TTLL5: variants seen among roughly 807,000 people sequenced by gnomAD.
The protein encoded by TTLL5 is tubulin polyglutamylase TTLL5.
A neutral mutation model predicts 168.4 loss-of-function variants in TTLL5; 132 were observed. That is an observed-to-expected ratio of 0.78 (90% CI 0.68 to 0.91). The LOEUF is 0.91. Ranked by LOEUF, TTLL5 falls within the 40% of genes least tolerant of loss-of-function variation. The pLI is 0.00. For synonymous variants in TTLL5, 546 were observed against 558.6 expected, an observed-to-expected ratio of 0.98 and a Z score of 0.32; for missense variants, 1,545 against 1,581.5, an observed-to-expected ratio of 0.98 and a Z score of 0.39.
Position 75,771,660 on chromosome 14 carries a change from G to A in TTLL5, c.2016-74G>A, listed in dbSNP as rs17783198. On this transcript the variant is annotated intron_variant, in intron 20 of 31. Coordinates refer to ENST00000298832, the MANE Select transcript of TTLL5 (RefSeq NM_015072.5). ...ATAGAAGCATCCTCAAAGGCCACTT[G>A]GAGAGAAGCAAGTACACATTTTGTA... 0.13 allele frequency: 202,636 copies of A among 1,589,984 alleles called. 13,761 individuals are homozygous for A. The highest frequency in any genetic ancestry group is 0.14 in the Non-Finnish European group (165,210 of 1,168,166).
chr14:75,773,584 A>G (rs1359763321), intron 21 of TTLL5, among the ~76,000 whole-genome samples: 1 of 152,124 alleles, frequency 6.6e-6, no homozygotes, highest in Non-Finnish European at 1.5e-5. Flanking sequence ...AGTTCTGTGA[A>G]TTCTTTCTTG....
chr14:75,783,475 A>C lies in TTLL5; in HGVS notation c.2931A>C (p.Gln977His), dbSNP rs1194216650. 6.2e-7 allele frequency: 1 copy of C among 1,614,070 alleles called. No individual in the cohort carries two copies. The highest frequency in any genetic ancestry group is 2.2e-5 in the East Asian group (1 of 44,882). ...CCATTGGTCCCTTTTCTTCCTTCCA[A>C]AGTGCTGCACACATCTATAGCCAGA... The part of the protein sequence containing the change: ...SHTIGPFSSF[Q>H]SAAHIYSQKL... The change falls in exon 26 of 32, where the codon CAA becomes CAC. Residue 977 changes from glutamine to histidine, a missense_variant. By Grantham distance (24) the Gln-to-His change is conservative. Transcript: ENST00000298832.
chr14:75,879,660 T>C (rs942753974), intron 29 of TTLL5, among the ~76,000 whole-genome samples: 7 of 152,234 alleles, frequency 4.6e-5, no homozygotes, highest in African/African-American at 1.7e-4. Context: ...CTCTGAGAAG[T>C]TAACTTGAAA....
At chr14:75,776,911 G>C in intron 23 of TTLL5, 61 bp downstream of exon 23, 1 of 1,327,316 alleles carries the variant, frequency 7.5e-7, no homozygotes, top group Non-Finnish European at 1.1e-6. Context: ...TGCTCATTGA[G>C]TACCCAGCAT....
chr14:75,902,430 T>C (rs1350237271), intron 31 of TTLL5: 1 of 688,120 alleles, frequency 1.5e-6, no homozygotes, highest in East Asian at 2.8e-5. Flanking sequence ...TGGAACTAGC[T>C]TGGGGTAAAT....
intron 27 of TTLL5, among the ~76,000 whole-genome samples, chr14:75,806,850 A>G (rs548108253): frequency 1.1e-4 from 17 of 152,298 alleles, no homozygotes; most frequent in Admixed American, 8.5e-4. Context: ...CCAGCCTGCT[A>G]GATATTAATA....
chr14:75,872,279 T>C (rs147214454), intron 29 of TTLL5, among the ~76,000 whole-genome samples: 1 of 152,340 alleles, frequency 6.6e-6, no homozygotes, highest in African/African-American at 2.4e-5. Context: ...TTTGTCTTTA[T>C]ATACATCTGG....
At chr14:75,779,254 A>C (rs1181425449) in intron 23 of TTLL5, among the ~76,000 whole-genome samples, 1 of 152,198 alleles carries the variant, frequency 6.6e-6, no homozygotes, top group Non-Finnish European at 1.5e-5. Flanking sequence ...TGACTACTGA[A>C]CACTTGAAGT....
Position 75,857,665 on chromosome 14 carries a change from G to C in TTLL5, c.3327-6002G>C, listed in dbSNP as rs558939393. Among the ~76,000 whole-genome samples the C allele has an allele frequency of 2.0e-5, 3 of 148,552 alleles. No individual in the cohort carries two copies. In the South Asian group the frequency reaches 6.4e-4, roughly 32 times the overall value. On this transcript the variant is annotated intron_variant, in intron 28 of 31. Transcript: ENST00000298832. ...TTCTTTTTTTTTTTTTTGGTGGGGA[G>C]GGGGAGACAAGAGTCTCACTCTGTC...
At chr14:75,806,748 T>C (rs950717891) in intron 27 of TTLL5, among the ~76,000 whole-genome samples, 3 of 152,182 alleles carry the variant, frequency 2.0e-5, no homozygotes, top group African/African-American at 7.2e-5. Flanking sequence ...ACCTGACTCA[T>C]TGGTAGTACT....
At chr14:75,765,337 C>T (rs901423345) in intron 19 of TTLL5, among the ~76,000 whole-genome samples, 2 of 152,090 alleles carry the variant, frequency 1.3e-5, no homozygotes, top group Non-Finnish European at 2.9e-5. Flanking sequence ...ATAGAACTTA[C>T]AAGGCGATAG....
chr14:75,751,407 G>A (rs1797505926), intron 17 of TTLL5, among the ~76,000 whole-genome samples: 1 of 151,994 alleles, frequency 6.6e-6, no homozygotes, highest in African/African-American at 2.4e-5. Context: ...TTATCTTTTG[G>A]GGCCATTATT....
intron 31 of TTLL5, among the ~76,000 whole-genome samples, chr14:75,925,510 G>A (rs2034015872): frequency 6.7e-6 from 1 of 150,030 alleles, no homozygotes; most frequent in African/African-American, 2.5e-5. Context: ...GGGCAGAGAC[G>A]CTCCTCACTT....
At chr14:75,699,682 T>G (rs1488753867) in intron 7 of TTLL5, among the ~76,000 whole-genome samples, 4 of 152,216 alleles carry the variant, frequency 2.6e-5, no homozygotes, top group Admixed American at 2.6e-4. Context: ...TTTGGTATGG[T>G]ATCCTCGCTA....
intron 2 of TTLL5, among the ~76,000 whole-genome samples, chr14:75,667,546 A>T (rs1401355367): frequency 6.6e-6 from 1 of 152,174 alleles, no homozygotes; most frequent in East Asian, 1.9e-4. Flanking sequence ...ACCGTTTCTC[A>T]CAAGTGGGTA....
chr14:75,924,081 T>C (rs1162014131), intron 31 of TTLL5, among the ~76,000 whole-genome samples: 1 of 151,094 alleles, frequency 6.6e-6, no homozygotes, highest in Non-Finnish European at 1.5e-5. Context: ...CTGGTAGATC[T>C]TCGTCCATCC....
intron 7 of TTLL5, among the ~76,000 whole-genome samples, chr14:75,706,702 G>T (rs1886681203): frequency 6.6e-6 from 1 of 151,844 alleles, no homozygotes; most frequent in Non-Finnish European, 1.5e-5. Flanking sequence ...TTTCTTGGCA[G>T]GTAACTATTT....
At chr14:75,787,035 A>G (rs1047472122) in intron 26 of TTLL5, among the ~76,000 whole-genome samples, 13 of 152,148 alleles carry the variant, frequency 8.5e-5, no homozygotes, top group Admixed American at 3.3e-4. Context: ...CAGGAGGTTG[A>G]GGCAAGAGAA....
At chr14:75,709,109 GGTGATTTGCATCT>G (rs1886863801) in intron 9 of TTLL5, 1 of 710,888 alleles carries the variant, frequency 1.4e-6, no homozygotes, top group African/African-American at 1.7e-5. Flanking sequence ...CAGTTTAGGA[GGTGATTTGCATCT>G]GTGAGTGGTC....
Sources: allele counts gnomAD v4.1 joint callset (sites outside exome capture counted in the v4.1 genomes callset), GRCh38; gene constraint gnomAD v4.1.1; transcripts MANE v1.5; gene names NCBI Gene and HGNC (gene_info 2026-07-23, HGNC 2026-07-21).